The following LHFPL3 variants were observed in gnomAD, a reference collection of about 807,000 sequenced individuals.
LHFPL3 encodes the protein LHFPL tetraspan subfamily member 3 protein.
A neutral mutation model predicts 19.3 loss-of-function variants in LHFPL3; 5 were observed. That is an observed-to-expected ratio of 0.26 (90% CI 0.14 to 0.54). The LOEUF (loss-of-function observed/expected upper bound fraction) is 0.54. Ranked by LOEUF, LHFPL3 falls within the 20% of genes least tolerant of loss-of-function variation. LHFPL3 has a pLI of 0.94. For missense variants in LHFPL3, 249 were observed against 307.4 expected, an observed-to-expected ratio of 0.81 and a Z score of 1.42; for synonymous variants, 133 against 126.2, an observed-to-expected ratio of 1.05 and a Z score of -0.36.
intron 2 of LHFPL3, chr7:104,803,102 A>G (rs1433525999): frequency 6.6e-6 from 1 of 152,196 alleles, no homozygotes; most frequent in East Asian, 1.9e-4. Context: ...GTTATTTACC[A>G]TTCCTATAAT....
chr7:104,811,141 T>C lies in LHFPL3; in HGVS notation c.682+74230T>C, dbSNP rs867218174. On this transcript the variant is annotated intron_variant, in intron 2 of 2. Transcript: ENST00000424859. ...TCTCTTTCTCTCTCTCTTTCCTTCC[T>C]TTCTTTCTTTTTCTTTCTTTCTTTC... is the stretch of plus-strand genomic sequence containing the variant. Among the ~76,000 whole-genome samples, 10 of 15,320 alleles carry C rather than the reference T, an allele frequency of 6.5e-4. No individual in the cohort carries two copies. The Admixed American group carries it at 0.013, about 19-fold the overall frequency. The allele number at this position is 15,320 out of a possible 152,430, so 10.1% of individuals were successfully genotyped here. A position where few individuals can be genotyped will look rare whatever the true frequency, so the allele number is the denominator to read the frequency against.
At chr7:104,391,078 A>T (rs1791056852) in intron 1 of LHFPL3, among the ~76,000 whole-genome samples, 1 of 151,936 alleles carries the variant, frequency 6.6e-6, no homozygotes, top group Admixed American at 6.6e-5. Context: ...TAGATTCTGG[A>T]TATTAGCCCT....
At chr7:104,359,459 C>T (rs986806597) in intron 1 of LHFPL3, among the ~76,000 whole-genome samples, 3 of 152,168 alleles carry the variant, frequency 2.0e-5, no homozygotes, top group Non-Finnish European at 4.4e-5. Flanking sequence ...TTTGAAGTGT[C>T]AATGTTCCCA....
chr7:104,512,653 T>G (rs1230326301), intron 1 of LHFPL3, among the ~76,000 whole-genome samples: 1 of 151,966 alleles, frequency 6.6e-6, no homozygotes, highest in Non-Finnish European at 1.5e-5. Context: ...GGAGAATCAC[T>G]TGAACCTGGA....
chr7:104,436,659 G>A (rs2116570788), intron 1 of LHFPL3, among the ~76,000 whole-genome samples: 1 of 152,270 alleles, frequency 6.6e-6, no homozygotes, highest in South Asian at 2.1e-4. Context: ...CAAGGATATG[G>A]ACATCTATAT....
intron 1 of LHFPL3, among the ~76,000 whole-genome samples, chr7:104,609,061 T>C (rs1233790654): frequency 1.3e-5 from 2 of 151,690 alleles, no homozygotes; most frequent in Non-Finnish European, 2.9e-5. Flanking sequence ...GGTCAGGAGT[T>C]TGAGACCAGC....
chr7:104,764,360 G>A (rs1174698852), intron 2 of LHFPL3, among the ~76,000 whole-genome samples: 4 of 152,146 alleles, frequency 2.6e-5, no homozygotes, highest in Non-Finnish European at 5.9e-5. Flanking sequence ...TAGGAGAGAT[G>A]GGGTTTTGCT....
chr7:104,373,227 C>A (rs1022795688), intron 1 of LHFPL3, among the ~76,000 whole-genome samples: 8 of 152,030 alleles, frequency 5.3e-5, no homozygotes, highest in South Asian at 2.1e-4. Context: ...CTGCTTTAAG[C>A]CAATTTTTCA....
chr7:104,774,291 A>C (rs555769604), intron 2 of LHFPL3, among the ~76,000 whole-genome samples: 1 of 152,344 alleles, frequency 6.6e-6, no homozygotes, highest in East Asian at 1.9e-4. Flanking sequence ...AATTTGTCTA[A>C]CACTCGCTCT....
At chr7:104,789,928 T>A (rs900625921) in intron 2 of LHFPL3, among the ~76,000 whole-genome samples, 3 of 152,210 alleles carry the variant, frequency 2.0e-5, no homozygotes, top group Non-Finnish European at 4.4e-5. Flanking sequence ...TTTTTCCATC[T>A]ACTATACAAT....
chr7:104,463,177 A>G (rs955396079), intron 1 of LHFPL3, among the ~76,000 whole-genome samples: 5 of 152,126 alleles, frequency 3.3e-5, no homozygotes, highest in African/African-American at 9.7e-5. Context: ...CATTTTTCAA[A>G]AAACAAACTC....
intron 1 of LHFPL3, among the ~76,000 whole-genome samples, chr7:104,733,945 C>T (rs946287782): frequency 3.9e-5 from 6 of 152,102 alleles, no homozygotes; most frequent in Non-Finnish European, 7.4e-5. Context: ...AGCATTTGCT[C>T]GTCTGTAAAG....
intron 1 of LHFPL3, among the ~76,000 whole-genome samples, chr7:104,532,268 C>T (rs1356582824): frequency 2.0e-5 from 3 of 151,416 alleles, no homozygotes; most frequent in African/African-American, 7.3e-5. Flanking sequence ...AGGCATGTGC[C>T]ACCATGCTTG....
rs186456033 is a variant in LHFPL3 at position 104,502,208 on chromosome 7, T to A, written c.445+172984T>A. ...CTCCTAACTGTATAGCACATTGCTT[T>A]CTATGTTACATGAGGAAGCAAAATG... On this transcript the variant is annotated intron_variant, in intron 1 of 2. Transcript: ENST00000424859. 2.0e-4 allele frequency among the ~76,000 whole-genome samples: 30 copies of A among 152,346 alleles called. No homozygotes were observed. The East Asian group carries it at 5.2e-3, about 26-fold the overall frequency.
At chr7:104,505,171 T>A (rs41037) in intron 1 of LHFPL3, among the ~76,000 whole-genome samples, 79,711 of 152,060 alleles carry the variant, frequency 0.52, 21,574 homozygotes, top group African/African-American at 0.65. Context: ...CTAGATAAGC[T>A]TTAAAGGAAA....
At chr7:104,446,314 C>T (rs1296897887) in intron 1 of LHFPL3, among the ~76,000 whole-genome samples, 1 of 152,162 alleles carries the variant, frequency 6.6e-6, no homozygotes, top group African/African-American at 2.4e-5. Context: ...GATGTGGCCA[C>T]TGGAAGACCT....
intron 2 of LHFPL3, among the ~76,000 whole-genome samples, chr7:104,854,925 T>C (rs1562815502): frequency 2.0e-5 from 3 of 152,236 alleles, no homozygotes; most frequent in Non-Finnish European, 4.4e-5. Flanking sequence ...TTACTCTCCA[T>C]TGACTATTAA....
intron 1 of LHFPL3, among the ~76,000 whole-genome samples, chr7:104,371,647 CT>C (rs11332825): frequency 0.64 from 94,765 of 149,138 alleles, 30,086 homozygotes; most frequent in African/African-American, 0.74. Flanking sequence ...GGCAAATTTT[CT>C]TTTTTTTTTT....
At chr7:104,643,739 A>G (rs773098710) in intron 1 of LHFPL3, among the ~76,000 whole-genome samples, 11 of 152,176 alleles carry the variant, frequency 7.2e-5, no homozygotes, top group Non-Finnish European at 1.5e-4. Flanking sequence ...AAAGCTGAAA[A>G]CTACTGGTTT....
Sources: allele counts gnomAD v4.1 joint callset (sites outside exome capture counted in the v4.1 genomes callset), GRCh38; gene constraint gnomAD v4.1.1; transcripts MANE v1.5; gene names NCBI Gene and HGNC (gene_info 2026-07-23, HGNC 2026-07-21).